The following RAPGEF2 variants were observed in gnomAD, a reference collection of about 807,000 sequenced individuals.
RAPGEF2 encodes the protein PDZ domain containing guanine nucleotide exchange factor (GEF) 1.
In RAPGEF2, 54 loss-of-function variants were observed where a neutral mutation model predicts 186.7. That is an observed-to-expected ratio of 0.29 (90% CI 0.23 to 0.36). RAPGEF2 has a LOEUF of 0.36. Among genes scored for constraint, RAPGEF2 ranks in the 10% least tolerant of loss-of-function variants. The probability of loss-of-function intolerance (pLI) is 1.00; values close to 1 mark genes in which losing one functional copy is unlikely to be tolerated. For synonymous variants in RAPGEF2, 712 were observed against 705.9 expected, an observed-to-expected ratio of 1.01 and a Z score of -0.14; for missense variants, 1,532 against 2,045.0, an observed-to-expected ratio of 0.75 and a Z score of 4.84.
chr4:159,268,127 A>G, intron 7 of RAPGEF2: 1 of 1,612,914 alleles, frequency 6.2e-7, no homozygotes, highest in Non-Finnish European at 8.5e-7. Context: ...CATGATGTGT[A>G]AATTCAGTTC....
intron 7 of RAPGEF2, chr4:159,267,368 T>TTG (rs1194006948): frequency 4.7e-6 from 6 of 1,264,494 alleles, no homozygotes; most frequent in Non-Finnish European, 6.2e-6. Flanking sequence ...ATTTTTGAGA[T>TTG]TGTGTGTGTG....
Position 159,330,330 on chromosome 4 carries a change from A to T in RAPGEF2, c.1303-4A>T. The T allele has an allele frequency of 6.5e-7, 1 of 1,545,636 alleles. No homozygotes were observed. The highest frequency in any genetic ancestry group is 8.7e-7 in the Non-Finnish European group (1 of 1,146,678). ...GTAGTAATTAAACCTTTTCTTTGTTACAGGGTACCTCAGAAAGGTTAACAA... is the reference window on the plus strand; with the variant it reads ...GTAGTAATTAAACCTTTTCTTTGTTTCAGGGTACCTCAGAAAGGTTAACAA... On this transcript the variant is annotated splice_polypyrimidine_tract_variant and splice_region_variant and intron_variant, in intron 12 of 29. Coordinates refer to ENST00000691494, the MANE Select transcript of RAPGEF2 (RefSeq NM_001394067.2).
At chr4:159,270,460 A>T (rs1393308450) in intron 7 of RAPGEF2, among the ~76,000 whole-genome samples, 1 of 152,198 alleles carries the variant, frequency 6.6e-6, no homozygotes, top group Non-Finnish European at 1.5e-5. Flanking sequence ...TTATTCAAAA[A>T]GTTTGTGGGC....
rs1731567410 is a variant in RAPGEF2, at chr4:159,353,870, G to A, written c.4475G>A (p.Gly1492Asp). The A allele has an allele frequency of 5.0e-6, 8 of 1,614,028 alleles. No homozygotes were observed. Among genetic ancestry groups the A allele is most frequent in the Non-Finnish European group, 6.8e-6 (8 of 1,180,030 alleles). Residue 1492 changes from glycine (G) to aspartate (D), a missense_variant, in exon 28 of 30, where the codon GGT becomes GAT. This residue lies in a region of RAPGEF2 where 594 missense variants were observed against 608.5 expected (regional missense o/e 0.98). Coordinates refer to ENST00000691494, the MANE Select transcript of RAPGEF2 (RefSeq NM_001394067.2). This position sits in a 1 kb window ranked among gnomAD's most constrained non-coding sequence, Gnocchi z 4.3. ...QSRASWASST[G>D]YWGEDSEGDT... ...CGAGCAAGCTGGGCGTCTTCCACAG[G>A]TTACTGGGGAGAAGACTCAGAAGGT...
intron 7 of RAPGEF2, among the ~76,000 whole-genome samples, chr4:159,244,872 T>C (rs1754434069): frequency 6.6e-6 from 1 of 151,982 alleles, no homozygotes; most frequent in Admixed American, 6.6e-5. Flanking sequence ...TTAAATGATG[T>C]GGTAAATCTA....
At chr4:159,251,027 G>T (rs1003790655) in intron 7 of RAPGEF2, among the ~76,000 whole-genome samples, 1 of 152,194 alleles carries the variant, frequency 6.6e-6, no homozygotes, top group African/African-American at 2.4e-5. Context: ...GTGGCCCGCC[G>T]GTGCTGCTGG....
intron 7 of RAPGEF2, among the ~76,000 whole-genome samples, chr4:159,289,230 G>C (rs1317828022): frequency 6.6e-6 from 1 of 152,104 alleles, no homozygotes; most frequent in Non-Finnish European, 1.5e-5. Flanking sequence ...GTAAATACTT[G>C]TTGGATAATT....
At chr4:159,327,244 A>G (rs1030888616) in intron 11 of RAPGEF2, 1 of 152,254 alleles carries the variant, frequency 6.6e-6, no homozygotes, top group Non-Finnish European at 1.5e-5. Flanking sequence ...ATTGACTTTT[A>G]TAAGTGAATT....
chr4:159,119,731 A>C (rs1409456126), intron 1 of RAPGEF2, among the ~76,000 whole-genome samples: 1 of 152,176 alleles, frequency 6.6e-6, no homozygotes, highest in Admixed American at 6.5e-5. Flanking sequence ...GTGGGTGAGC[A>C]TTACGTGTAA....
chr4:159,241,329 T>G lies in RAPGEF2; in HGVS notation c.486T>G (p.Tyr162Ter). Residue 162 changes from tyrosine (Y) to a stop codon, truncating the protein, a stop_gained, in exon 6 of 30, where the codon TAT becomes TAG. Transcript: ENST00000691494. LOFTEE classifies it high-confidence loss of function. ...CAATTATTGACACTGTGGATCCTTA[T>G]CCCATGGGCAAACCTCCTTTGCCTA... ...RQTIIDTVDP[Y>*]PMGKPPLPRG... The G allele has an allele frequency of 6.6e-7, 1 of 1,522,452 alleles. No individual in the cohort carries two copies. Among genetic ancestry groups the G allele is most frequent in the Non-Finnish European group, 8.8e-7 (1 of 1,138,608 alleles). 94.3% of individuals were successfully genotyped at this position (1,522,452 alleles called of 1,614,324 possible).
chr4:159,173,014 A>G (rs928766587), intron 1 of RAPGEF2, among the ~76,000 whole-genome samples: 4 of 152,122 alleles, frequency 2.6e-5, no homozygotes, highest in Non-Finnish European at 4.4e-5. Flanking sequence ...TTTCTTTAGC[A>G]TTTTAGCTCA....
chr4:159,153,921 A>C (rs1006233221), intron 1 of RAPGEF2, among the ~76,000 whole-genome samples: 7 of 152,218 alleles, frequency 4.6e-5, no homozygotes, highest in South Asian at 4.1e-4. Context: ...GTCGATGTTC[A>C]ATTAGTACTT....
At position 159,140,043 on chromosome 4, in the gene RAPGEF2, G is replaced by C. The variant is rs74475103; in HGVS notation, c.69+35812G>C. Among the ~76,000 whole-genome samples, 684 of 152,236 alleles carry C rather than the reference G, an allele frequency of 4.5e-3. 2 individuals are homozygous for C. The highest frequency in any genetic ancestry group is 0.016 in the African/African-American group (644 of 41,544). ...TGTTAGATTTAATGGAGTGCTAAAT[G>C]GTCTTTTTCATTACTGCTATGAGTG... is the stretch of plus-strand genomic sequence containing the variant. On this transcript the variant is annotated intron_variant, in intron 1 of 29. Transcript: ENST00000691494.
At chr4:159,237,118 T>C (rs562625488) in intron 4 of RAPGEF2, among the ~76,000 whole-genome samples, 2 of 152,288 alleles carry the variant, frequency 1.3e-5, no homozygotes, top group East Asian at 3.9e-4. Context: ...CCTCCCATGC[T>C]CAAGTGATCC....
chr4:159,122,298 G>A (rs1288702381), intron 1 of RAPGEF2, among the ~76,000 whole-genome samples: 1 of 151,890 alleles, frequency 6.6e-6, no homozygotes, highest in African/African-American at 2.4e-5. Context: ...GACCAACATG[G>A]TGAAACCCCA....
At chr4:159,304,998 T>C (rs1255371773) in intron 8 of RAPGEF2, among the ~76,000 whole-genome samples, 1 of 152,176 alleles carries the variant, frequency 6.6e-6, no homozygotes, top group Non-Finnish European at 1.5e-5. Flanking sequence ...CCATCCATAT[T>C]GCTGCAAAAG....
At chr4:159,347,402 A>C (rs1379138090) in intron 25 of RAPGEF2, among the ~76,000 whole-genome samples, 1 of 152,216 alleles carries the variant, frequency 6.6e-6, no homozygotes, top group Admixed American at 6.5e-5. Context: ...TTATTTGTTG[A>C]CTCACTGATT....
chr4:159,205,158 T>C (rs934840314), intron 3 of RAPGEF2, among the ~76,000 whole-genome samples: 2 of 152,212 alleles, frequency 1.3e-5, no homozygotes, highest in African/African-American at 4.8e-5. Flanking sequence ...TCTGAAAGTT[T>C]TTCAGAGTTG....
chr4:159,106,563 GA>G (rs1215044853), intron 1 of RAPGEF2, among the ~76,000 whole-genome samples: 1 of 152,166 alleles, frequency 6.6e-6, no homozygotes, highest in Admixed American at 6.5e-5. Flanking sequence ...AAATAAGCTT[GA>G]TATCATGAAC....
Sources: gnomAD v4.1 joint callset for allele counts (sites outside exome capture counted in the v4.1 genomes callset) on GRCh38, gnomAD v4.1.1 for gene constraint, gnomAD v4.1.1 regional missense constraint, Gnocchi (gnomAD v3.1) non-coding constraint, MANE v1.5 for transcripts, NCBI Gene and HGNC (gene_info 2026-07-23, HGNC 2026-07-21) for gene names.